Variants in CCDC7 observed in about 807,000 individuals in gnomAD.
The protein encoded by CCDC7 is coiled-coil domain containing 7, also known as coiled-coil domain-containing protein 7.
CCDC7 carries 183 observed loss-of-function variants against 196.9 expected under a neutral mutation model. That is an observed-to-expected ratio of 0.93 (90% CI 0.82 to 1.05). The LOEUF (loss-of-function observed/expected upper bound fraction) is 1.05. Among genes scored for constraint, CCDC7 ranks in the 50% least tolerant of loss-of-function variants. CCDC7 has a pLI of 0.00. For synonymous variants in CCDC7, 525 were observed against 484.6 expected, an observed-to-expected ratio of 1.08 and a Z score of -1.10; for missense variants, 1,540 against 1,482.2, an observed-to-expected ratio of 1.04 and a Z score of -0.64.
chr10:32,550,734 C>G (rs2053342393), intron 13 of CCDC7, among the ~76,000 whole-genome samples: 1 of 152,102 alleles, frequency 6.6e-6, no homozygotes, highest in African/African-American at 2.4e-5. Context: ...ATCCCTGCAT[C>G]CCTGGTATGA....
chr10:32,705,092 G>T (rs574762656), intron 24 of CCDC7, among the ~76,000 whole-genome samples: 4 of 152,224 alleles, frequency 2.6e-5, no homozygotes, highest in Admixed American at 1.3e-4. Flanking sequence ...AATCATTCGT[G>T]TTCTGCATTG....
chr10:32,659,745 A>G (rs914141345), intron 20 of CCDC7, among the ~76,000 whole-genome samples: 2 of 152,246 alleles, frequency 1.3e-5, no homozygotes, highest in African/African-American at 4.8e-5. Flanking sequence ...ATCACTGATC[A>G]TTAGAGAAAT....
exon 31 of CCDC7, chr10:32,814,431 G>T: frequency 6.2e-7 from 1 of 1,611,322 alleles, no homozygotes; most frequent in South Asian, 1.1e-5. Flanking sequence ...ATGAATTCAA[G>T]ACACGATCAA....
chr10:32,656,334 A>G (rs965428543), intron 20 of CCDC7, among the ~76,000 whole-genome samples: 3 of 152,226 alleles, frequency 2.0e-5, no homozygotes, highest in Non-Finnish European at 4.4e-5. Context: ...ATGTGGAATC[A>G]ACTTAAGTGT....
intron 41 of CCDC7, among the ~76,000 whole-genome samples, chr10:32,874,783 CAT>C (rs1555212354): frequency 7.0e-6 from 1 of 143,320 alleles, no homozygotes; most frequent in Non-Finnish European, 1.5e-5. Context: ...CACACACACA[CAT>C]ATATACACAC....
intron 18 of CCDC7, among the ~76,000 whole-genome samples, chr10:32,618,713 C>T (rs2063049518): frequency 6.6e-6 from 1 of 151,962 alleles, no homozygotes; most frequent in Admixed American, 6.6e-5. Context: ...CTCTTTCTAA[C>T]TTTAAAATTC....
chr10:32,865,696 C>T (rs1312295551), intron 41 of CCDC7, among the ~76,000 whole-genome samples: 8 of 151,718 alleles, frequency 5.3e-5, no homozygotes, highest in Non-Finnish European at 1.5e-5. Flanking sequence ...GTTATAATAA[C>T]TAAGATTCAT....
intron 39 of CCDC7, among the ~76,000 whole-genome samples, chr10:32,850,649 A>G (rs1160644903): frequency 6.6e-6 from 1 of 152,152 alleles, no homozygotes; most frequent in Admixed American, 6.5e-5. Context: ...ACAAATTCTT[A>G]TCCAATTTTG....
Position 32,774,354 on chromosome 10 carries a change from C to T in CCDC7, c.2906-4623C>T, listed in dbSNP as rs147030084. On this transcript the variant is annotated intron_variant, in intron 28 of 41. Transcript: ENST00000639629. The stretch of plus-strand genomic sequence containing the variant: ...AGTCCTCCCTGCACTTTAAATGTTC[C>T]ATGGGACAGGACTGGAGTGAGCTTC... Among the ~76,000 whole-genome samples, 291 of 152,016 alleles carry T rather than the reference C, an allele frequency of 1.9e-3. 2 individuals are homozygous for T. Among genetic ancestry groups the T allele is most frequent in the Middle Eastern group, 3.4e-3 (1 of 294 alleles).
intron 13 of CCDC7, among the ~76,000 whole-genome samples, chr10:32,561,430 C>A (rs1197980524): frequency 6.6e-6 from 1 of 152,194 alleles, no homozygotes; most frequent in Non-Finnish European, 1.5e-5. Context: ...TGTAAAAGAA[C>A]AGAAATTATA....
At chr10:32,830,973 G>A (rs538151842) in intron 32 of CCDC7, among the ~76,000 whole-genome samples, 3 of 152,300 alleles carry the variant, frequency 2.0e-5, no homozygotes, top group African/African-American at 7.2e-5. Flanking sequence ...CTACAGTCAT[G>A]TGTTGCCTAA....
At chr10:32,844,994 G>A (rs2093197145) in intron 33 of CCDC7, among the ~76,000 whole-genome samples, 1 of 151,520 alleles carries the variant, frequency 6.6e-6, no homozygotes, top group South Asian at 2.1e-4. Context: ...TATAATAAAG[G>A]GGTCAATTAA....
chr10:32,542,934 G>T (rs1022700727), intron 11 of CCDC7, among the ~76,000 whole-genome samples: 1 of 151,998 alleles, frequency 6.6e-6, no homozygotes, highest in Non-Finnish European at 1.5e-5. Flanking sequence ...CACCAACAAG[G>T]TTTTTGCAAG....
chr10:32,481,432 C>G (rs1428457754), intron 8 of CCDC7, among the ~76,000 whole-genome samples: 3 of 152,062 alleles, frequency 2.0e-5, no homozygotes, highest in Non-Finnish European at 4.4e-5. Context: ...TACTTTTACT[C>G]CCCTCTAAGC....
At chr10:32,507,983 AC>A (rs1319643752) in intron 9 of CCDC7, among the ~76,000 whole-genome samples, 9 of 152,230 alleles carry the variant, frequency 5.9e-5, no homozygotes, top group Non-Finnish European at 1.2e-4. Flanking sequence ...GCCTACTCTT[AC>A]CAATTCTATT....
downstream of CCDC7, among the ~76,000 whole-genome samples, chr10:32,880,934 G>C (rs952471393): frequency 6.6e-6 from 1 of 152,084 alleles, no homozygotes; most frequent in African/African-American, 2.4e-5. Flanking sequence ...TTTGGTTAAG[G>C]CTACACTATC....
chr10:32,590,527 A>G (rs1020043449), intron 18 of CCDC7, among the ~76,000 whole-genome samples: 4 of 152,116 alleles, frequency 2.6e-5, no homozygotes, highest in Admixed American at 6.5e-5. Context: ...ACACATCACA[A>G]TTATAGTGTT....
Position 32,652,075 on chromosome 10 carries a change from T to C in CCDC7, c.2015-11979T>C, listed in dbSNP as rs186619945. ...CGCTTTTAGTCTGTTAATATTTGCT[T>C]TATATGTTTAGGTGCTCCTGTGTTG... is the stretch of plus-strand genomic sequence containing the variant. On this transcript the variant is annotated intron_variant, in intron 20 of 41. Transcript: ENST00000639629. Among the ~76,000 whole-genome samples the C allele has an allele frequency of 4.9e-3, 752 of 152,318 alleles. 2 individuals are homozygous for C. Among genetic ancestry groups the C allele is most frequent in the Non-Finnish European group, 7.0e-3 (474 of 68,024 alleles).
intron 28 of CCDC7, among the ~76,000 whole-genome samples, chr10:32,730,109 CCCAGCACCCAT>C (rs2083704769): frequency 6.6e-6 from 1 of 152,036 alleles, no homozygotes; most frequent in Non-Finnish European, 1.5e-5. Context: ...AGGTATTAAG[CCCAGCACCCAT>C]TAGCTGTTCT....
Sources: allele counts gnomAD v4.1 joint callset (sites outside exome capture counted in the v4.1 genomes callset), GRCh38; gene constraint gnomAD v4.1.1; transcripts MANE v1.5; gene names NCBI Gene and HGNC (gene_info 2026-07-23, HGNC 2026-07-21).